Variants in DIP2A observed in about 807,000 individuals in gnomAD.
The protein encoded by DIP2A is disco-interacting protein 2 homolog A.
In DIP2A, 85 loss-of-function variants were observed where a neutral mutation model predicts 177.4. The observed-to-expected ratio is 0.48, with a 90% CI of 0.40 to 0.57. DIP2A has a LOEUF of 0.57. Ranked by LOEUF, DIP2A falls within the 20% of genes least tolerant of loss-of-function variation. The pLI, the probability that DIP2A is intolerant of heterozygous loss-of-function variation, is 0.00. For missense variants in DIP2A, 1,791 were observed against 2,100.2 expected (o/e 0.85, Z 2.88); for synonymous variants, 886 against 881.8 (o/e 1.00, Z -0.08).
the DIP2A span, among the ~76,000 whole-genome samples, chr21:46,579,498 TG>T: frequency 6.6e-6 from 1 of 152,320 alleles, no homozygotes; most frequent in South Asian, 2.1e-4. Context: ...CTGCTAGCTT[TG>T]GGGTTTGTTT....
Position 46,567,540 on chromosome 21 carries a change from G to A in DIP2A, c.4634G>A (p.Arg1545Gln), listed in dbSNP as rs758885030. 5 of 1,613,724 alleles carry A rather than the reference G, an allele frequency of 3.1e-6. No individual in the cohort carries two copies. Among genetic ancestry groups the A allele is most frequent in the East Asian group, 2.2e-5 (1 of 44,890 alleles). Residue 1545 changes from arginine to glutamine, a missense_variant, in exon 38 of 38, where the codon CGG becomes CAG. Transcript: ENST00000417564. ...CCAGGGGTGATCCCTATCAACTCTC[G>A]GGGTGAGAAGCAGCGCATGCACCTG... ...VDPGVIPINS[R>Q]GEKQRMHLRD...
intron 28 of DIP2A, chr21:46,555,440 G>A: frequency 5.1e-6 from 1 of 197,008 alleles, no homozygotes; most frequent in Non-Finnish European, 1.1e-5. Flanking sequence ...GGGAGGGCAG[G>A]CTCAGAGCCA....
rs1231435572 is a variant in DIP2A at position 46,549,892 on chromosome 21, G to A, written c.2637+7G>A. ...GATGAGCCGTGTGCTGCAGGTGGGC[G>A]CCCCGGCACGGCCTATGGTTCGGTG... On this transcript the variant is annotated splice_region_variant and intron_variant, in intron 22 of 37. Coordinates refer to ENST00000417564, the MANE Select transcript of DIP2A (RefSeq NM_015151.4). The A allele has an allele frequency of 3.7e-6, 6 of 1,609,148 alleles. No homozygotes were observed. The highest frequency in any genetic ancestry group is 2.2e-5 in the East Asian group (1 of 44,890).
intron 1 of DIP2A, among the ~76,000 whole-genome samples, chr21:46,459,941 A>G (rs2054153391): frequency 6.6e-6 from 1 of 152,070 alleles, no homozygotes; most frequent in Non-Finnish European, 1.5e-5. Flanking sequence ...TCAAGGCTGT[A>G]GGTCTGGGCT....
chr21:46,526,955 G>T (rs1569039585), intron 8 of DIP2A, among the ~76,000 whole-genome samples: 1 of 152,120 alleles, frequency 6.6e-6, no homozygotes, highest in South Asian at 2.1e-4. Context: ...CATTAATTAT[G>T]ATATTTCCTG....
intron 8 of DIP2A, among the ~76,000 whole-genome samples, chr21:46,518,410 G>A (rs551438033): frequency 6.6e-6 from 1 of 152,198 alleles, no homozygotes; most frequent in South Asian, 2.1e-4. Flanking sequence ...GGTATTGTCA[G>A]GCTTATGAAT....
At chr21:46,506,669 G>A (rs1468445554) in intron 6 of DIP2A, among the ~76,000 whole-genome samples, 1 of 149,926 alleles carries the variant, frequency 6.7e-6, no homozygotes. Flanking sequence ...TGTATCTCTT[G>A]AGGGAAAGTA....
chr21:46,532,028 T>C, intron 9 of DIP2A, 99 bp from the exon 10 acceptor site: 1 of 1,074,126 alleles, frequency 9.3e-7, no homozygotes, highest in Non-Finnish European at 1.3e-6. Context: ...ATTACAATAT[T>C]TGGGGCTTAC....
intron 2 of DIP2A, among the ~76,000 whole-genome samples, chr21:46,489,199 C>G (rs971410406): frequency 6.6e-6 from 1 of 152,208 alleles, no homozygotes; most frequent in African/African-American, 2.4e-5. Flanking sequence ...AGAGAGTGTT[C>G]CCATTCTCCA....
intron 24 of DIP2A, 33 bp downstream of exon 24, chr21:46,551,776 G>T: frequency 6.2e-7 from 1 of 1,613,520 alleles, no homozygotes; most frequent in Non-Finnish European, 8.5e-7. Context: ...GGGTGGACGG[G>T]TGTCTGTGCC....
intron 2 of DIP2A, among the ~76,000 whole-genome samples, chr21:46,485,357 AG>A: frequency 6.6e-6 from 1 of 152,336 alleles, no homozygotes; most frequent in African/African-American, 2.4e-5. Flanking sequence ...TGGCCCAACC[AG>A]GATATGAAGA....
chr21:46,487,842 T>C (rs2056783082), intron 2 of DIP2A, among the ~76,000 whole-genome samples: 1 of 152,240 alleles, frequency 6.6e-6, no homozygotes, highest in Non-Finnish European at 1.5e-5. Context: ...ACCAGTTTCC[T>C]AACTGGAAAA....
intron 5 of DIP2A, among the ~76,000 whole-genome samples, chr21:46,503,591 C>G (rs1477220160): frequency 8.4e-6 from 1 of 118,602 alleles, no homozygotes; most frequent in African/African-American, 3.6e-5. Flanking sequence ...TTCCTTCCTT[C>G]CTTCCTTCCT....
At chr21:46,531,274 G>T (rs2059346427) in intron 9 of DIP2A, among the ~76,000 whole-genome samples, 1 of 152,136 alleles carries the variant, frequency 6.6e-6, no homozygotes, top group African/African-American at 2.4e-5. Flanking sequence ...CGGCTCTCCT[G>T]AGTGGGTGGT....
intron 8 of DIP2A, among the ~76,000 whole-genome samples, chr21:46,520,237 C>T (rs2058767513): frequency 6.6e-6 from 1 of 152,094 alleles, no homozygotes; most frequent in African/African-American, 2.4e-5. Context: ...TTGTTAAAAG[C>T]TGTAAATAGC....
chr21:46,504,454 G>A lies in DIP2A; in HGVS notation c.749G>A (p.Arg250Gln), dbSNP rs549904036. 8.1e-6 allele frequency: 13 copies of A among 1,612,890 alleles called. No homozygotes were observed. The highest frequency in any genetic ancestry group is 1.7e-4 in the Middle Eastern group (1 of 5,996). ...PQVASVRSVPRGCSGSMLETA... is the reference protein window; with the variant it reads ...PQVASVRSVPQGCSGSMLETA... ...GTGGCTTCTGTGAGAAGTGTTCCTC[G>A]GGGGTGCAGCGGGAGCATGCTGGAA... The change falls in exon 6 of 38, where the codon CGG (arginine) becomes CAG (glutamine). Residue 250 changes from arginine to glutamine, a missense_variant. Physicochemically the swap from Arg to Gln is conservative, Grantham distance 43. Transcript: ENST00000417564.
In DIP2A at chr21:46,497,131, T is replaced by TGG. The variant is rs781406550; in HGVS notation, c.403+25_403+26dup. On this transcript the variant is annotated intron_variant, in intron 4 of 37. Coordinates refer to ENST00000417564, the MANE Select transcript of DIP2A (RefSeq NM_015151.4). ...AGGTATTGATAAACAATGTCAAGTG[T>TGG]GGCTTTTTTTTGAGTGTTTCACAGG... 1.2e-5 allele frequency: 18 copies of TGG among 1,500,344 alleles called. No individual in the cohort carries two copies. In the Admixed American group the frequency reaches 1.4e-4, roughly 12 times the overall value. 92.9% of individuals were successfully genotyped at this position (1,500,344 alleles called of 1,614,324 possible).
At chr21:46,576,070 A>G in the DIP2A span, among the ~76,000 whole-genome samples, 3 of 152,208 alleles carry the variant, frequency 2.0e-5, no homozygotes, top group Non-Finnish European at 4.4e-5. Context: ...GGCTGACATC[A>G]CCATAAATAC....
Position 46,537,624 on chromosome 21 carries a change from CT to C in DIP2A, c.1801+86del, listed in dbSNP as rs1237581961. ...CTTTGGTGCTTAAGAAAAAATAAAG[CT>C]GACATGTGGAACTGCAGATGTAGGC... On this transcript the variant is annotated intron_variant, in intron 15 of 37. Transcript: ENST00000417564. The surrounding 1 kb of genome is among the most constrained non-coding windows in gnomAD (Gnocchi z 4.1). 168 of 1,351,004 alleles carry C rather than the reference CT, an allele frequency of 1.2e-4. No homozygotes were observed. The highest frequency in any genetic ancestry group is 1.6e-4 in the Non-Finnish European group (156 of 957,944). 83.7% of individuals were successfully genotyped at this position (1,351,004 alleles called of 1,614,324 possible).
Sources: allele counts gnomAD v4.1 joint callset (sites outside exome capture counted in the v4.1 genomes callset), GRCh38; gene constraint gnomAD v4.1.1; non-coding constraint Gnocchi (gnomAD v3.1); transcripts MANE v1.5; gene names NCBI Gene and HGNC (gene_info 2026-07-23, HGNC 2026-07-21).